The following WDR70 variants were observed in gnomAD, a reference collection of about 807,000 sequenced individuals.
WDR70 encodes the protein WD repeat domain 70, also known as WD repeat-containing protein 70.
In WDR70, 53 loss-of-function variants were observed where a neutral mutation model predicts 88.6. That is an observed-to-expected ratio of 0.60 (90% CI 0.48 to 0.75). The LOEUF (loss-of-function observed/expected upper bound fraction) is 0.75. Among genes scored for constraint, WDR70 ranks in the 30% least tolerant of loss-of-function variants. WDR70 has a pLI of 0.00. For missense variants in WDR70, 610 were observed against 823.2 expected (o/e 0.74, Z 3.17); for synonymous variants, 280 against 270.0 (o/e 1.04, Z -0.36).
chr5:37,589,249 T>TACACACACACAC (rs57446016), intron 9 of WDR70, among the ~76,000 whole-genome samples: 1,692 of 140,124 alleles, frequency 0.012, 15 homozygotes, highest in Non-Finnish European at 0.016. Flanking sequence ...CCTACACACA[T>TACACACACACAC]ACACACACAC....
intron 6 of WDR70, among the ~76,000 whole-genome samples, chr5:37,441,779 C>G (rs1334537956): frequency 1.3e-5 from 2 of 152,148 alleles, no homozygotes; most frequent in Non-Finnish European, 2.9e-5. Flanking sequence ...GATTACACCA[C>G]TGCACTCCAG....
intron 9 of WDR70, among the ~76,000 whole-genome samples, chr5:37,567,734 A>G (rs1251980841): frequency 6.6e-6 from 1 of 152,050 alleles, no homozygotes; most frequent in Middle Eastern, 3.2e-3. Flanking sequence ...TTAACCTTTG[A>G]AAGTGATACC....
At chr5:37,473,650 T>C (rs1739395546) in intron 7 of WDR70, among the ~76,000 whole-genome samples, 1 of 152,204 alleles carries the variant, frequency 6.6e-6, no homozygotes. Context: ...GGCCTTACAT[T>C]CTTAATGTTG....
At chr5:37,480,825 A>G (rs1739641791) in intron 8 of WDR70, among the ~76,000 whole-genome samples, 1 of 152,200 alleles carries the variant, frequency 6.6e-6, no homozygotes, top group South Asian at 2.1e-4. Flanking sequence ...AAAATTCCAT[A>G]GTCCAAAGTC....
intron 9 of WDR70, among the ~76,000 whole-genome samples, chr5:37,550,766 C>A (rs1205473686): frequency 6.6e-6 from 1 of 151,962 alleles, no homozygotes; most frequent in East Asian, 1.9e-4. Context: ...AGGACTTGTT[C>A]CTGCCATTTT....
At chr5:37,507,363 G>T (rs145403614) in intron 8 of WDR70, among the ~76,000 whole-genome samples, 309 of 152,294 alleles carry the variant, frequency 2.0e-3, no homozygotes, top group Non-Finnish European at 2.2e-3. Flanking sequence ...GTGCTGGGAA[G>T]ATTTCTAGTT....
intron 9 of WDR70, among the ~76,000 whole-genome samples, chr5:37,547,373 TG>T (rs1742028656): frequency 6.6e-6 from 1 of 152,212 alleles, no homozygotes; most frequent in Admixed American, 6.5e-5. Context: ...TTATAATAAG[TG>T]GGTTTTCTTT....
At chr5:37,511,691 C>T (rs1378640602) in intron 8 of WDR70, among the ~76,000 whole-genome samples, 2 of 152,114 alleles carry the variant, frequency 1.3e-5, no homozygotes, top group Admixed American at 1.3e-4. Context: ...ATCATGAGTT[C>T]ACATTGATAC....
chr5:37,622,523 A>C (rs1201399962), intron 10 of WDR70, among the ~76,000 whole-genome samples: 1 of 152,184 alleles, frequency 6.6e-6, no homozygotes, highest in Non-Finnish European at 1.5e-5. Flanking sequence ...CTAGATTAAG[A>C]AAATGTGGCA....
At chr5:37,409,558 G>A (rs1000453327) in intron 5 of WDR70, among the ~76,000 whole-genome samples, 5 of 150,692 alleles carry the variant, frequency 3.3e-5, no homozygotes. Context: ...AGGCTGGAGT[G>A]CAGTGGTGCG....
intron 7 of WDR70, among the ~76,000 whole-genome samples, chr5:37,474,355 T>A (rs1274273794): frequency 6.6e-6 from 1 of 152,222 alleles, no homozygotes; most frequent in Non-Finnish European, 1.5e-5. Flanking sequence ...TCTCTATCCT[T>A]ATTGCTCTTC....
chr5:37,712,105 GC>G (rs1439530923), intron 13 of WDR70, among the ~76,000 whole-genome samples: 1 of 149,252 alleles, frequency 6.7e-6, no homozygotes, highest in African/African-American at 2.5e-5. Flanking sequence ...CAATTCTCCT[GC>G]CTCAGCCTTC....
chr5:37,421,908 G>A (rs753198522), intron 5 of WDR70, among the ~76,000 whole-genome samples: 5 of 151,846 alleles, frequency 3.3e-5, no homozygotes, highest in Non-Finnish European at 5.9e-5. Flanking sequence ...TCTCTTGGTG[G>A]TTGTAAAAGA....
chr5:37,600,665 A>G (rs1743853776), intron 9 of WDR70, among the ~76,000 whole-genome samples: 1 of 152,198 alleles, frequency 6.6e-6, no homozygotes, highest in South Asian at 2.1e-4. Flanking sequence ...GATGCTTGCC[A>G]TCCTTAGTTA....
intron 9 of WDR70, among the ~76,000 whole-genome samples, chr5:37,602,512 C>T (rs1036124170): frequency 1.7e-4 from 26 of 151,156 alleles, no homozygotes; most frequent in African/African-American, 5.3e-4. Context: ...GAAGCTGAGG[C>T]GGGAAAATCA....
At chr5:37,632,609 G>A (rs111358740) in intron 10 of WDR70, among the ~76,000 whole-genome samples, 1 of 152,056 alleles carries the variant, frequency 6.6e-6, no homozygotes, top group Non-Finnish European at 1.5e-5. Context: ...AGTTTATAGA[G>A]TAAGGATATA....
intron 16 of WDR70, among the ~76,000 whole-genome samples, chr5:37,726,088 C>T (rs1747961518): frequency 6.6e-6 from 1 of 152,046 alleles, no homozygotes; most frequent in Admixed American, 6.6e-5. Context: ...TCTTTACCTC[C>T]TAAGCTTTCA....
chr5:37,726,182 A>T (rs7719190), intron 16 of WDR70, among the ~76,000 whole-genome samples: 7,259 of 152,256 alleles, frequency 0.048, 569 homozygotes, highest in African/African-American at 0.16. Context: ...CATAATAGTT[A>T]CTGGCCATAC....
intron 10 of WDR70, among the ~76,000 whole-genome samples, chr5:37,616,518 C>A (rs1213504186): frequency 6.6e-6 from 1 of 152,152 alleles, no homozygotes; most frequent in African/African-American, 2.4e-5. Context: ...ACCCTATATG[C>A]CTCTCCCACA....
Sources: allele counts gnomAD v4.1 joint callset (sites outside exome capture counted in the v4.1 genomes callset), GRCh38; gene constraint gnomAD v4.1.1; transcripts MANE v1.5; gene names NCBI Gene and HGNC (gene_info 2026-07-23, HGNC 2026-07-21).